The following CHIA variants were observed in gnomAD, a reference collection of about 807,000 sequenced individuals.
CHIA encodes the protein acidic mammalian chitinase.
In CHIA, 47 loss-of-function variants were observed where a neutral mutation model predicts 53.5. The ratio of observed to expected loss-of-function variants is 0.88; its 90% confidence interval spans 0.70 to 1.12. The LOEUF (loss-of-function observed/expected upper bound fraction) is 1.12. Ranked by LOEUF, CHIA falls within the 50% of genes most tolerant of loss-of-function variation. CHIA has a pLI of 0.00. For synonymous variants in CHIA, 268 were observed against 222.2 expected, an observed-to-expected ratio of 1.21 and a Z score of -1.83; for missense variants, 652 against 592.2, an observed-to-expected ratio of 1.10 and a Z score of -1.05.
At chr1:111,306,825 C>T (rs1042300927) in intron 1 of CHIA, among the ~76,000 whole-genome samples, 1 of 152,092 alleles carries the variant, frequency 6.6e-6, no homozygotes, top group Non-Finnish European at 1.5e-5. Context: ...GAAACAAAAA[C>T]AGCCAATAAA....
intron 1 of CHIA, among the ~76,000 whole-genome samples, chr1:111,306,949 T>C (rs1294890956): frequency 6.6e-6 from 1 of 152,254 alleles, no homozygotes; most frequent in Non-Finnish European, 1.5e-5. Flanking sequence ...AGTCTGATGA[T>C]TCAGTTTTGG....
chr1:111,319,458 G>A lies in CHIA; in HGVS notation c.1167G>A (p.Leu389=), dbSNP rs542694997. The A allele has an allele frequency of 1.2e-6, 2 of 1,613,826 alleles. No individual in the cohort carries two copies. Among genetic ancestry groups the A allele is most frequent in the South Asian group, 2.2e-5 (2 of 91,056 alleles). Residue 389 remains leucine (L), a synonymous_variant, in exon 11 of 12, where the codon CTG becomes CTA. Coordinates refer to ENST00000369740, the MANE Select transcript of CHIA (RefSeq NM_201653.4). ...CCACCCTGAAGAAGGCCCTCGGCCTGCAGAGTGCAAGTAAGTGACTGAGGG... is the reference window on the plus strand; with the variant it reads ...CCACCCTGAAGAAGGCCCTCGGCCTACAGAGTGCAAGTAAGTGACTGAGGG... ...LISTLKKALG[L]QSASCTAPAQ...
Position 111,318,586 on chromosome 1 carries a change from A to C in CHIA, c.823A>C (p.Asn275His). 6.2e-7 allele frequency: 1 copy of C among 1,614,228 alleles called. No individual in the cohort carries two copies. The highest frequency in any genetic ancestry group is 8.5e-7 in the Non-Finnish European group (1 of 1,180,038). Residue 275 changes from asparagine (N) to histidine (H), a missense_variant, in exon 9 of 12, where the codon AAC (asparagine) becomes CAC (histidine). Asn to His is a moderately conservative substitution (Grantham distance 68). Transcript: ENST00000369740. The stretch of plus-strand genomic sequence containing the variant: ...CTATGGACACAACTTCATCCTGAGC[A>C]ACCCCTCCAACACTGGAATTGGTGC... ...PTYGHNFILS[N>H]PSNTGIGAPT... is the part of the protein sequence containing the mutation.
intron 5 of CHIA, chr1:111,315,036 C>A (rs1257823502): frequency 1.5e-5 from 7 of 461,492 alleles, no homozygotes; most frequent in Admixed American, 1.5e-4. Flanking sequence ...GAAACAAGGG[C>A]AACTTGGGAG....
At chr1:111,319,653 T>C (rs1006281307) in intron 11 of CHIA, among the ~76,000 whole-genome samples, 185 bp downstream of exon 11, 1 of 152,220 alleles carries the variant, frequency 6.6e-6, no homozygotes, top group African/African-American at 2.4e-5. Context: ...TGTGCACTTA[T>C]GGGAAGCCAG....
At chr1:111,313,566 C>T (rs1571295341) in intron 4 of CHIA, among the ~76,000 whole-genome samples, 1 of 152,296 alleles carries the variant, frequency 6.6e-6, no homozygotes, top group South Asian at 2.1e-4. Context: ...CCTTACTTGA[C>T]ATATGGTTTC....
rs1227148881 is a variant in CHIA, at chr1:111,314,568, A to T, written c.286A>T (p.Ile96Phe). ...KNSQLKTLLAIGGWNFGTAPF... is the reference protein window; with the variant it reads ...KNSQLKTLLAFGGWNFGTAPF... ...CAGCCAGCTGAAAACTCTCCTGGCC[A>T]TTGGAGGCTGGAACTTCGGGACTGC... The change falls in exon 5 of 12, where the codon ATT (isoleucine) becomes TTT (phenylalanine). Residue 96 changes from isoleucine (I) to phenylalanine (F), a missense_variant. Ile to Phe is a conservative substitution (Grantham distance 21). Transcript: ENST00000369740. The T allele has an allele frequency of 6.2e-7, 1 of 1,613,538 alleles. No homozygotes were observed. Among genetic ancestry groups the T allele is most frequent in the Non-Finnish European group, 8.5e-7 (1 of 1,179,458 alleles).
intron 1 of CHIA, among the ~76,000 whole-genome samples, chr1:111,310,089 C>A (rs1452583005): frequency 6.6e-6 from 1 of 152,124 alleles, no homozygotes; most frequent in Non-Finnish European, 1.5e-5. Context: ...TTTATTTTTC[C>A]ATAAAGACTT....
chr1:111,318,560 C>T lies in CHIA; in HGVS notation c.797C>T (p.Thr266Ile), dbSNP rs1410454956. 3.1e-6 allele frequency: 5 copies of T among 1,614,192 alleles called. No individual in the cohort carries two copies. In the Admixed American group the frequency reaches 5.0e-5, roughly 16 times the overall value. ...PAEKLIVGFP[T>I]YGHNFILSNP... ...GAGAAGCTCATCGTTGGATTCCCTA[C>T]CTATGGACACAACTTCATCCTGAGC... The change falls in exon 9 of 12, where the codon ACC becomes ATC. Residue 266 changes from threonine to isoleucine, a missense_variant. Transcript: ENST00000369740.
At chr1:111,293,906 C>T (rs953740512) in intron 1 of CHIA, among the ~76,000 whole-genome samples, 2 of 152,026 alleles carry the variant, frequency 1.3e-5, no homozygotes, top group African/African-American at 4.8e-5. Context: ...ATGGCAAAAC[C>T]CTGTTCCTAT....
chr1:111,320,392 G>T lies in CHIA; in HGVS notation c.1357G>T (p.Gly453Ter). ...NRNAFWHCVN[G>*]VTYQQNCQAG... is the part of the protein sequence containing the mutation. ...AAATGCCTTCTGGCACTGCGTGAAT[G>T]GAGTCACGTACCAGCAGAACTGCCA... Residue 453 changes from glycine to a stop codon, truncating the protein, a stop_gained, in exon 12 of 12, where the codon GGA becomes TGA. Coordinates refer to ENST00000369740, the MANE Select transcript of CHIA (RefSeq NM_201653.4). LOFTEE classifies it low-confidence loss of function (END_TRUNC). The T allele has an allele frequency of 6.2e-7, 1 of 1,614,206 alleles. No individual in the cohort carries two copies. Among genetic ancestry groups the T allele is most frequent in the East Asian group, 2.2e-5 (1 of 44,882 alleles).
intron 1 of CHIA, among the ~76,000 whole-genome samples, chr1:111,298,258 C>G (rs528364468): frequency 7.0e-4 from 106 of 152,334 alleles, no homozygotes; most frequent in African/African-American, 2.4e-3. Flanking sequence ...TAGACATCTG[C>G]AGAACTCTCC....
At chr1:111,301,427 C>T (rs569190154) in intron 1 of CHIA, among the ~76,000 whole-genome samples, 15 of 151,882 alleles carry the variant, frequency 9.9e-5, no homozygotes, top group African/African-American at 2.4e-4. Flanking sequence ...GGGCCGGGTG[C>T]GGTGGCTCAC....
chr1:111,319,431 C>A lies in CHIA; in HGVS notation c.1140C>A (p.Ile380=). The change falls in exon 11 of 12, where the codon ATC becomes ATA. Residue 380 remains isoleucine (I), a synonymous_variant. Coordinates refer to ENST00000369740, the MANE Select transcript of CHIA (RefSeq NM_201653.4). ...TFCNQGKFPL[I]STLKKALGLQ... ...GCAACCAGGGCAAGTTTCCCCTAAT[C>A]TCCACCCTGAAGAAGGCCCTCGGCC... The A allele has an allele frequency of 6.2e-7, 1 of 1,614,172 alleles. No homozygotes were observed. Among genetic ancestry groups the A allele is most frequent in the African/African-American group, 1.3e-5 (1 of 75,054 alleles).
intron 1 of CHIA, among the ~76,000 whole-genome samples, chr1:111,294,137 AATCTGTAC>A (rs1661199898): frequency 6.6e-6 from 1 of 152,206 alleles, no homozygotes; most frequent in South Asian, 2.1e-4. Context: ...GATTGCATTG[AATCTGTAC>A]ATCATTTGGG....
intron 1 of CHIA, among the ~76,000 whole-genome samples, chr1:111,305,532 G>A (rs892431119): frequency 2.6e-5 from 4 of 152,214 alleles, no homozygotes; most frequent in African/African-American, 9.6e-5. Context: ...CTGCCTTGGG[G>A]CTTAGTGGTG....
At chr1:111,317,326 C>A in intron 6 of CHIA, 1 of 196,918 alleles carries the variant, frequency 5.1e-6, no homozygotes, top group South Asian at 9.8e-5. Flanking sequence ...CTTTATGAAA[C>A]AAATTTCTAT....
chr1:111,301,573 G>T (rs937563168), intron 1 of CHIA, among the ~76,000 whole-genome samples: 1 of 151,852 alleles, frequency 6.6e-6, no homozygotes, highest in African/African-American at 2.4e-5. Context: ...GTGGTGGCAG[G>T]CACCTATAGT....
At chr1:111,314,777 T>C (rs1246827530) in intron 5 of CHIA, 181 bp downstream of exon 5, 11 of 556,306 alleles carry the variant, frequency 2.0e-5, no homozygotes, top group Non-Finnish European at 3.2e-5. Context: ...CACAATTTAT[T>C]TCATACATTT....
Sources: gnomAD v4.1 joint callset for allele counts (sites outside exome capture counted in the v4.1 genomes callset) on GRCh38, gnomAD v4.1.1 for gene constraint, MANE v1.5 for transcripts, NCBI Gene and HGNC (gene_info 2026-07-23, HGNC 2026-07-21) for gene names.